DCC: variants seen among roughly 807,000 people sequenced by gnomAD.
DCC encodes the protein DCC netrin 1 receptor.
Under a neutral mutation model 172.5 loss-of-function variants are expected in DCC, and 58 were observed. The observed-to-expected ratio is 0.34, with a 90% CI of 0.27 to 0.42. DCC has a LOEUF of 0.42. Ranked by LOEUF, DCC falls within the 10% of genes least tolerant of loss-of-function variation. The pLI, the probability that DCC is intolerant of heterozygous loss-of-function variation, is 1.00. For synonymous variants in DCC, 709 were observed against 644.5 expected (o/e 1.10, Z -1.52); for missense variants, 1,740 against 1,791.0 (o/e 0.97, Z 0.51).
intron 5 of DCC, among the ~76,000 whole-genome samples, chr18:52,926,552 A>G (rs1334267838): frequency 6.6e-6 from 1 of 151,724 alleles, no homozygotes. Flanking sequence ...AAATTCAGTA[A>G]CACAAAATGG....
At chr18:52,485,091 C>T (rs2030150546) in intron 1 of DCC, among the ~76,000 whole-genome samples, 1 of 152,124 alleles carries the variant, frequency 6.6e-6, no homozygotes, top group Non-Finnish European at 1.5e-5. Context: ...GACTGCTGAT[C>T]TATAGCATTT....
intron 1 of DCC, among the ~76,000 whole-genome samples, chr18:52,660,233 A>G (rs2035332199): frequency 6.6e-6 from 1 of 152,108 alleles, no homozygotes; most frequent in South Asian, 2.1e-4. Context: ...CACTGTTGCT[A>G]AGTTAATAAT....
intron 7 of DCC, among the ~76,000 whole-genome samples, chr18:53,131,735 A>G (rs953420225): frequency 6.6e-6 from 1 of 152,130 alleles, no homozygotes; most frequent in African/African-American, 2.4e-5. Flanking sequence ...GACATAAGGG[A>G]ATAGATTCTG....
intron 1 of DCC, among the ~76,000 whole-genome samples, chr18:52,422,897 TTC>T (rs1987297431): frequency 2.6e-5 from 4 of 152,192 alleles, no homozygotes; most frequent in Admixed American, 2.6e-4. Context: ...CTTCCAGTGC[TTC>T]TCTTTGCCAC....
chr18:52,861,428 T>C (rs971467839), intron 2 of DCC, among the ~76,000 whole-genome samples: 1 of 152,196 alleles, frequency 6.6e-6, no homozygotes, highest in Non-Finnish European at 1.5e-5. Flanking sequence ...GTGTGTCCTC[T>C]TACAGAAGAA....
intron 2 of DCC, among the ~76,000 whole-genome samples, chr18:52,890,381 G>A (rs879458596): frequency 2.0e-5 from 3 of 152,048 alleles, no homozygotes; most frequent in Admixed American, 2.0e-4. Flanking sequence ...GAGAAGACTA[G>A]TGGGGATAGA....
intron 5 of DCC, among the ~76,000 whole-genome samples, chr18:53,011,533 C>T (rs1290296320): frequency 6.6e-6 from 1 of 151,610 alleles, no homozygotes; most frequent in Non-Finnish European, 1.5e-5. Flanking sequence ...TTCCAAAAAC[C>T]ATTTTTAAAG....
At chr18:53,373,518 T>C (rs1288292574) in intron 15 of DCC, among the ~76,000 whole-genome samples, 1 of 152,228 alleles carries the variant, frequency 6.6e-6, no homozygotes, top group Non-Finnish European at 1.5e-5. Flanking sequence ...CTCATTATTG[T>C]AGTTATTATT....
At chr18:53,001,831 G>A (rs2041568810) in intron 5 of DCC, among the ~76,000 whole-genome samples, 1 of 151,916 alleles carries the variant, frequency 6.6e-6, no homozygotes, top group Non-Finnish European at 1.5e-5. Flanking sequence ...AACTTATCCT[G>A]GTCACCTAAT....
chr18:53,289,255 A>AT (rs1240855811), intron 12 of DCC, among the ~76,000 whole-genome samples: 2 of 152,176 alleles, frequency 1.3e-5, no homozygotes, highest in Admixed American at 6.5e-5. Flanking sequence ...ATACCATCGT[A>AT]ACTGAAAACT....
chr18:53,355,886 T>A (rs1399968368), intron 15 of DCC, among the ~76,000 whole-genome samples: 1 of 152,170 alleles, frequency 6.6e-6, no homozygotes, highest in Non-Finnish European at 1.5e-5. Context: ...ATTTTATTTT[T>A]ATATACTGGT....
intron 1 of DCC, among the ~76,000 whole-genome samples, chr18:52,633,224 C>T (rs915765339): frequency 1.3e-5 from 2 of 152,084 alleles, no homozygotes; most frequent in Admixed American, 6.5e-5. Context: ...ATTTGGGGCT[C>T]ATCAGCAGGA....
chr18:53,481,152 A>G (rs2045827526), intron 25 of DCC: 1 of 152,204 alleles, frequency 6.6e-6, no homozygotes, highest in Non-Finnish European at 1.5e-5. Context: ...CTTAGAAGAG[A>G]CATACCATCA....
chr18:53,145,347 T>A (rs1167465590), intron 7 of DCC, among the ~76,000 whole-genome samples: 1 of 152,076 alleles, frequency 6.6e-6, no homozygotes, highest in Non-Finnish European at 1.5e-5. Context: ...TCTCCTGGCC[T>A]CGTGATCCGC....
chr18:53,174,318 A>T (rs1006697250), intron 8 of DCC, among the ~76,000 whole-genome samples: 19 of 149,620 alleles, frequency 1.3e-4, no homozygotes, highest in African/African-American at 4.7e-4. Flanking sequence ...AAGGCAAGAA[A>T]TAACTAAAAT....
intron 23 of DCC, among the ~76,000 whole-genome samples, chr18:53,456,910 A>G (rs2145161649): frequency 6.6e-6 from 1 of 152,342 alleles, no homozygotes; most frequent in East Asian, 1.9e-4. Flanking sequence ...TTATGAGCAC[A>G]TGTTAGTTTT....
rs190766932 is a variant in DCC at position 53,185,734 on chromosome 18, C to T, written c.1573+6618C>T. Among the ~76,000 whole-genome samples the T allele has an allele frequency of 2.0e-5, 3 of 152,210 alleles. No homozygotes were observed. In the East Asian group the frequency reaches 5.8e-4, roughly 29 times the overall value. On this transcript the variant is annotated intron_variant, in intron 9 of 28. Transcript: ENST00000442544. ...GATACAAATGCAAGTCAGAAATGGT[C>T]CTAACTTTCAAGGAACTGGTAGTCT...
intron 22 of DCC, among the ~76,000 whole-genome samples, chr18:53,437,561 C>T (rs1912022853): frequency 9.3e-6 from 1 of 107,586 alleles, no homozygotes; most frequent in Non-Finnish European, 1.7e-5. Flanking sequence ...ACAGCCTGGG[C>T]AACAGAGCAA....
At chr18:52,939,010 G>A (rs1054921556) in intron 5 of DCC, among the ~76,000 whole-genome samples, 7 of 152,138 alleles carry the variant, frequency 4.6e-5, no homozygotes, top group Non-Finnish European at 8.8e-5. Flanking sequence ...ATGCACCTTC[G>A]TAGAAACTCT....
Sources: allele counts gnomAD v4.1 joint callset (sites outside exome capture counted in the v4.1 genomes callset), GRCh38; gene constraint gnomAD v4.1.1; transcripts MANE v1.5; gene names NCBI Gene and HGNC (gene_info 2026-07-23, HGNC 2026-07-21).